Variants in TRIO observed in about 807,000 individuals in gnomAD.
TRIO encodes trio Rho guanine nucleotide exchange factor.
Under a neutral mutation model 351.9 loss-of-function variants are expected in TRIO, and 58 were observed. The ratio of observed to expected loss-of-function variants is 0.16; its 90% CI spans 0.13 to 0.21. TRIO has a LOEUF of 0.21. Ranked by LOEUF, TRIO falls within the 10% of genes least tolerant of loss-of-function variation. TRIO has a pLI of 1.00. For missense variants in TRIO, 3,201 were observed against 4,027.8 expected (o/e 0.79, Z 5.56); for synonymous variants, 1,758 against 1,595.7 (o/e 1.10, Z -2.42).
At chr5:14,215,234 G>A (rs141940443) in intron 1 of TRIO, among the ~76,000 whole-genome samples, 120 of 152,268 alleles carry the variant, frequency 7.9e-4, no homozygotes, top group African/African-American at 1.7e-3. Context: ...AGCATGCATC[G>A]TTTTTTATAT....
intron 8 of TRIO, among the ~76,000 whole-genome samples, chr5:14,311,865 A>T (rs553855577): frequency 6.6e-6 from 1 of 152,264 alleles, no homozygotes; most frequent in East Asian, 1.9e-4. Flanking sequence ...TCTTTATTAC[A>T]GGCTAAATGT....
chr5:14,507,694 C>T (rs552410877), intron 56 of TRIO, among the ~76,000 whole-genome samples, 186 bp from the exon 57 acceptor site: 14 of 148,846 alleles, frequency 9.4e-5, no homozygotes, highest in African/African-American at 3.2e-4. Context: ...GTCCCAGCTC[C>T]GCTGTGTCAT....
At chr5:14,481,416 C>A in intron 44 of TRIO, 125 bp from the exon 45 acceptor site, 1 of 1,457,790 alleles carries the variant, frequency 6.9e-7, no homozygotes, top group Non-Finnish European at 9.5e-7. Flanking sequence ...TCCAGTGCAT[C>A]TCCATAAGCC....
intron 34 of TRIO, among the ~76,000 whole-genome samples, chr5:14,421,603 GAAAA>G (rs377508422): frequency 9.2e-6 from 1 of 109,276 alleles, no homozygotes; most frequent in Non-Finnish European, 1.9e-5. Flanking sequence ...GACTCCATCT[GAAAA>G]AAAAAAAAAA....
chr5:14,186,553 C>T (rs938846074), intron 1 of TRIO, among the ~76,000 whole-genome samples: 6 of 151,906 alleles, frequency 3.9e-5, no homozygotes, highest in African/African-American at 1.2e-4. Flanking sequence ...GTCGGCCTGT[C>T]GTTTGCACAT....
chr5:14,419,854 G>C lies in TRIO; in HGVS notation c.5036G>C (p.Arg1679Pro), dbSNP rs755460231. The C allele has an allele frequency of 2.5e-6, 4 of 1,614,188 alleles. No homozygotes were observed. Among genetic ancestry groups the C allele is most frequent in the Non-Finnish European group, 3.4e-6 (4 of 1,180,024 alleles). Residue 1679 changes from arginine (R) to proline (P), a missense_variant, in exon 34 of 57, where the codon CGG becomes CCG. Physicochemically the swap from Arg to Pro is moderately radical, Grantham distance 103. Transcript: ENST00000344204. ...AACAGCAACGAGCTGACCATCCGAC[G>C]GGGCCAGACCGTGGAAGTTCTGGAG... is the stretch of plus-strand genomic sequence containing the variant. ...ACNSNELTIR[R>P]GQTVEVLERP...
intron 11 of TRIO, among the ~76,000 whole-genome samples, chr5:14,340,180 G>T (rs943791521): frequency 6.6e-6 from 1 of 151,984 alleles, no homozygotes; most frequent in Non-Finnish European, 1.5e-5. Context: ...GGATCACGAG[G>T]TCAGGAGATC....
At chr5:14,417,041 C>T (rs571663618) in intron 33 of TRIO, among the ~76,000 whole-genome samples, 33 of 152,330 alleles carry the variant, frequency 2.2e-4, no homozygotes, top group South Asian at 2.1e-3. Context: ...GCCTGCAGAC[C>T]GGTCCTGTGT....
intron 9 of TRIO, among the ~76,000 whole-genome samples, chr5:14,324,655 C>G (rs1232995225): frequency 6.6e-6 from 1 of 152,166 alleles, no homozygotes; most frequent in African/African-American, 2.4e-5. Flanking sequence ...ATTTGAATCT[C>G]TTTTCTTGGG....
chr5:14,245,441 C>T (rs148640871), intron 1 of TRIO, among the ~76,000 whole-genome samples: 1 of 152,178 alleles, frequency 6.6e-6, no homozygotes, highest in South Asian at 2.1e-4. Flanking sequence ...CTTCATTCCC[C>T]TCCTCCACTT....
intron 4 of TRIO, 24 bp downstream of exon 4, chr5:14,287,087 C>A (rs1334901697): frequency 7.5e-6 from 12 of 1,607,352 alleles, no homozygotes; most frequent in Non-Finnish European, 1.0e-5. Flanking sequence ...TGTGGCTAGA[C>A]CCACTAAACA....
intron 11 of TRIO, among the ~76,000 whole-genome samples, chr5:14,347,717 C>A (rs1742554211): frequency 6.6e-6 from 1 of 152,208 alleles, no homozygotes; most frequent in South Asian, 2.1e-4. Flanking sequence ...TGGATGACGT[C>A]AGCAGTGCTG....
At chr5:14,280,138 A>AT (rs763235662) in intron 2 of TRIO, among the ~76,000 whole-genome samples, 184 bp from the exon 3 acceptor site, 5 of 152,142 alleles carry the variant, frequency 3.3e-5, no homozygotes, top group Non-Finnish European at 7.4e-5. Flanking sequence ...GAGCTCAGAG[A>AT]TTTTCTCCCA....
chr5:14,471,668 G>A (rs1754698767), intron 38 of TRIO, among the ~76,000 whole-genome samples: 1 of 152,092 alleles, frequency 6.6e-6, no homozygotes, highest in South Asian at 2.1e-4. Context: ...TGTTTTATTT[G>A]TATATGATAC....
chr5:14,402,410 T>C (rs1395743967), intron 31 of TRIO, among the ~76,000 whole-genome samples: 1 of 152,238 alleles, frequency 6.6e-6, no homozygotes, highest in Non-Finnish European at 1.5e-5. Flanking sequence ...GGTAATACCT[T>C]TCTGACTTCC....
chr5:14,166,453 A>G (rs899076407), intron 1 of TRIO, among the ~76,000 whole-genome samples: 1 of 152,158 alleles, frequency 6.6e-6, no homozygotes, highest in East Asian at 1.9e-4. Context: ...ATTTCGGGGT[A>G]ATTTAATCCC....
chr5:14,350,404 A>G (rs952121215), intron 11 of TRIO, among the ~76,000 whole-genome samples: 10 of 152,180 alleles, frequency 6.6e-5, no homozygotes, highest in Admixed American at 5.9e-4. Flanking sequence ...GGCAATGGAA[A>G]GAAAATAAAA....
intron 1 of TRIO, among the ~76,000 whole-genome samples, chr5:14,186,453 G>T (rs1310422920): frequency 6.6e-6 from 1 of 152,200 alleles, no homozygotes; most frequent in Middle Eastern, 3.2e-3. Context: ...TCTGGTTGCT[G>T]CCTTCTTTGA....
intron 1 of TRIO, among the ~76,000 whole-genome samples, chr5:14,207,993 A>T (rs1265880759): frequency 6.6e-6 from 1 of 152,340 alleles, no homozygotes; most frequent in East Asian, 1.9e-4. Flanking sequence ...AACAGCTATA[A>T]TAAAAAAGAT....
Sources: allele counts gnomAD v4.1 joint callset (sites outside exome capture counted in the v4.1 genomes callset), GRCh38; gene constraint gnomAD v4.1.1; transcripts MANE v1.5; gene names NCBI Gene and HGNC (gene_info 2026-07-23, HGNC 2026-07-21).